The following QTMAN variants were observed in gnomAD, a reference collection of about 807,000 sequenced individuals.
QTMAN encodes the protein queuosine-tRNA mannosyltransferase, also known as tRNA-queuosine alpha-mannosyltransferase.
chr2:144,182,901 T>TATAG, the QTMAN span, among the ~76,000 whole-genome samples: 1 of 95,816 alleles, frequency 1.0e-5, no homozygotes, highest in Non-Finnish European at 2.0e-5. Flanking sequence ...TATATATATA[T>TATAG]TATATATATA....
the QTMAN span, among the ~76,000 whole-genome samples, chr2:144,252,091 C>A: frequency 6.6e-6 from 1 of 151,834 alleles, no homozygotes; most frequent in African/African-American, 2.4e-5. Flanking sequence ...TATAAGCAGG[C>A]CACAGTGGCT....
the QTMAN span, among the ~76,000 whole-genome samples, chr2:144,301,046 GT>G: frequency 6.6e-6 from 1 of 151,752 alleles, no homozygotes; most frequent in Non-Finnish European, 1.5e-5. Context: ...AAGAAAATGG[GT>G]TTTTTTCCTA....
At chr2:144,047,939 C>T in the QTMAN span, among the ~76,000 whole-genome samples, 1 of 152,218 alleles carries the variant, frequency 6.6e-6, no homozygotes. Flanking sequence ...ATTACCAAAT[C>T]ATTCTTTGCC....
chr2:144,007,147 T>C, the QTMAN span: 1 of 1,242,770 alleles, frequency 8.0e-7, no homozygotes, highest in South Asian at 1.4e-5. Flanking sequence ...TTACCAGTTC[T>C]ACAACTCTTA....
chr2:144,103,924 T>C, the QTMAN span, among the ~76,000 whole-genome samples: 1 of 152,066 alleles, frequency 6.6e-6, no homozygotes, highest in African/African-American at 2.4e-5. Flanking sequence ...ACCCTGTCTC[T>C]ACTAAAAATT....
chr2:143,940,258 G>C, the QTMAN span: 1 of 152,298 alleles, frequency 6.6e-6, no homozygotes, highest in East Asian at 1.9e-4. Flanking sequence ...AAGCTAATTT[G>C]TTCAGTTAGG....
chr2:144,297,192 A>T, the QTMAN span, among the ~76,000 whole-genome samples: 1 of 152,166 alleles, frequency 6.6e-6, no homozygotes, highest in Non-Finnish European at 1.5e-5. Flanking sequence ...GTGAACCACC[A>T]TCACCCAGCT....
chr2:144,240,067 G>C, the QTMAN span, among the ~76,000 whole-genome samples: 1 of 152,116 alleles, frequency 6.6e-6, no homozygotes, highest in African/African-American at 2.4e-5. Flanking sequence ...TCTTCCCTTT[G>C]CAAAATGCAG....
the QTMAN span, among the ~76,000 whole-genome samples, chr2:144,263,236 A>G: frequency 6.6e-6 from 1 of 151,512 alleles, no homozygotes; most frequent in African/African-American, 2.4e-5. Flanking sequence ...TTAAAACTAT[A>G]CTGTTCCTAG....
chr2:144,018,324 CT>C, the QTMAN span, among the ~76,000 whole-genome samples: 31 of 149,774 alleles, frequency 2.1e-4, no homozygotes, highest in African/African-American at 6.1e-4. Context: ...AACATAACCA[CT>C]TTTTTTTTTC....
At chr2:144,034,107 G>C in the QTMAN span, among the ~76,000 whole-genome samples, 1 of 152,180 alleles carries the variant, frequency 6.6e-6, no homozygotes, top group Admixed American at 6.5e-5. Flanking sequence ...GTGAATGGGT[G>C]TAAGTGAGGG....
At chr2:144,046,719 C>A in the QTMAN span, among the ~76,000 whole-genome samples, 1 of 152,168 alleles carries the variant, frequency 6.6e-6, no homozygotes. Context: ...TTGAGTAGAG[C>A]AGTTTTCTGA....
chr2:144,250,178 C>G, the QTMAN span, among the ~76,000 whole-genome samples: 3 of 151,352 alleles, frequency 2.0e-5, no homozygotes, highest in South Asian at 6.3e-4. Flanking sequence ...CTCTGTCGCC[C>G]AGGCTGGAGT....
the QTMAN span, among the ~76,000 whole-genome samples, chr2:144,193,300 C>T: frequency 6.6e-6 from 1 of 151,596 alleles, no homozygotes; most frequent in Non-Finnish European, 1.5e-5. Flanking sequence ...TAAATGTTAA[C>T]TGAAGAAAAT....
chr2:144,039,386 T>C, the QTMAN span, among the ~76,000 whole-genome samples: 5 of 152,050 alleles, frequency 3.3e-5, no homozygotes, highest in Non-Finnish European at 5.9e-5. Flanking sequence ...CTCACAGATA[T>C]GACCAAGTGA....
the QTMAN span, among the ~76,000 whole-genome samples, chr2:144,291,450 C>T: frequency 2.6e-5 from 4 of 152,232 alleles, no homozygotes; most frequent in African/African-American, 9.6e-5. Context: ...TCCTTCCATA[C>T]TCAGTTCACA....
At chr2:143,972,975 G>C in the QTMAN span, among the ~76,000 whole-genome samples, 1 of 152,198 alleles carries the variant, frequency 6.6e-6, no homozygotes, top group African/African-American at 2.4e-5. Context: ...AAAAACAGAA[G>C]CAAACGAATT....
At chr2:144,134,000 T>A in the QTMAN span, among the ~76,000 whole-genome samples, 3 of 152,222 alleles carry the variant, frequency 2.0e-5, no homozygotes, top group South Asian at 6.2e-4. Context: ...ATCTGAGAAG[T>A]ATGACCACAT....
the QTMAN span, among the ~76,000 whole-genome samples, chr2:143,994,948 A>G: frequency 6.6e-6 from 1 of 152,216 alleles, no homozygotes; most frequent in Admixed American, 6.5e-5. Context: ...TATGACAATT[A>G]TACAGGCAGA....
Sources: gnomAD v4.1 joint callset for allele counts (sites outside exome capture counted in the v4.1 genomes callset) on GRCh38, gnomAD v4.1.1 for gene constraint, MANE v1.5 for transcripts, NCBI Gene and HGNC (gene_info 2026-07-23, HGNC 2026-07-21) for gene names.